The following SLC4A4 variants were observed in gnomAD, a reference collection of about 807,000 sequenced individuals.
The protein encoded by SLC4A4 is electrogenic sodium bicarbonate cotransporter 1.
In SLC4A4, 27 loss-of-function variants were observed where a neutral mutation model predicts 111.5. That is an observed-to-expected ratio of 0.24 (90% CI 0.18 to 0.33). The LOEUF (loss-of-function observed/expected upper bound fraction) is 0.33, where lower values mean the gene tolerates loss of function less well. SLC4A4 is among the 10% of genes least tolerant of loss of function. The pLI is 1.00. For synonymous variants in SLC4A4, 443 were observed against 463.4 expected, an observed-to-expected ratio of 0.96 and a Z score of 0.57; for missense variants, 909 against 1,315.5, an observed-to-expected ratio of 0.69 and a Z score of 4.78.
chr4:71,194,932 C>T (rs1300252628), intron 1 of SLC4A4, among the ~76,000 whole-genome samples: 1 of 152,148 alleles, frequency 6.6e-6, no homozygotes, highest in East Asian at 1.9e-4. Flanking sequence ...ACCTTATATA[C>T]ATTTGTGTAA....
chr4:71,080,846 A>G (rs1741975987), intron 1 of SLC4A4, among the ~76,000 whole-genome samples: 1 of 152,012 alleles, frequency 6.6e-6, no homozygotes, highest in South Asian at 2.1e-4. Flanking sequence ...TAGCTATTAC[A>G]TAGAGTTCCA....
intron 2 of SLC4A4, among the ~76,000 whole-genome samples, chr4:71,131,702 A>G (rs1306821278): frequency 2.0e-5 from 3 of 152,218 alleles, no homozygotes; most frequent in African/African-American, 7.2e-5. Context: ...ATCAAGAGCC[A>G]TCCCAGATTT....
intron 3 of SLC4A4, among the ~76,000 whole-genome samples, chr4:71,279,107 T>C (rs987568280): frequency 6.6e-6 from 1 of 152,194 alleles, no homozygotes; most frequent in Non-Finnish European, 1.5e-5. Flanking sequence ...ATCTATTCTT[T>C]TAGGAATTTT....
chr4:71,522,941 G>A (rs1733087662), intron 16 of SLC4A4, among the ~76,000 whole-genome samples: 1 of 152,134 alleles, frequency 6.6e-6, no homozygotes, highest in African/African-American at 2.4e-5. Context: ...ACACAGGAAA[G>A]TCTAGAATTG....
intron 3 of SLC4A4, chr4:71,339,134 T>C: frequency 1.9e-6 from 3 of 1,611,316 alleles, no homozygotes; most frequent in South Asian, 1.1e-5. Context: ...ATTGGAGTGC[T>C]GTCCTTCTGG....
chr4:71,231,346 AGACCCAATGGCT>A (rs1719409772), intron 1 of SLC4A4, among the ~76,000 whole-genome samples: 2 of 152,218 alleles, frequency 1.3e-5, no homozygotes, highest in Admixed American at 1.3e-4. Context: ...TGGGTGCTCA[AGACCCAATGGCT>A]GACAGTTTTG....
intron 3 of SLC4A4, among the ~76,000 whole-genome samples, chr4:71,313,921 GATC>G (rs1406298657): frequency 1.3e-5 from 2 of 152,132 alleles, no homozygotes. Context: ...TGATAAATGG[GATC>G]TAATTAAACT....
intron 2 of SLC4A4, among the ~76,000 whole-genome samples, chr4:71,105,095 G>A (rs9684892): frequency 0.034 from 3,839 of 111,896 alleles, 169 homozygotes; most frequent in African/African-American, 0.12. Flanking sequence ...AAATCAATGT[G>A]CAAAAATCAC....
At chr4:71,356,105 C>T (rs1457024269) in intron 5 of SLC4A4, among the ~76,000 whole-genome samples, 8 of 152,162 alleles carry the variant, frequency 5.3e-5, no homozygotes, top group African/African-American at 1.9e-4. Context: ...GTTGGCCTGT[C>T]ATGTAGATGT....
intron 1 of SLC4A4, among the ~76,000 whole-genome samples, chr4:71,215,170 T>G (rs1718349351): frequency 6.6e-6 from 1 of 152,226 alleles, no homozygotes; most frequent in Non-Finnish European, 1.5e-5. Flanking sequence ...ATTTAGTCCA[T>G]CCTTCTGTCC....
chr4:71,539,915 C>A (rs558127157), intron 18 of SLC4A4, among the ~76,000 whole-genome samples: 1 of 152,240 alleles, frequency 6.6e-6, no homozygotes, highest in East Asian at 1.9e-4. Context: ...GTGATAACTG[C>A]AAAACATATA....
intron 3 of SLC4A4, among the ~76,000 whole-genome samples, chr4:71,316,783 T>C (rs1002095859): frequency 2.6e-5 from 4 of 152,148 alleles, no homozygotes; most frequent in Admixed American, 2.6e-4. Context: ...CAGCTCCTTC[T>C]TATAAGTGAG....
chr4:71,505,254 A>T (rs555172243), intron 16 of SLC4A4, among the ~76,000 whole-genome samples: 13 of 152,096 alleles, frequency 8.5e-5, no homozygotes, highest in African/African-American at 2.9e-4. Flanking sequence ...CCTGTAATGG[A>T]TATATAAAAC....
intron 2 of SLC4A4, among the ~76,000 whole-genome samples, chr4:71,100,610 G>C (rs1742699650): frequency 6.6e-6 from 1 of 152,090 alleles, no homozygotes; most frequent in African/African-American, 2.4e-5. Flanking sequence ...AGTCAGACAA[G>C]AGAAAGAAAG....
chr4:71,458,917 A>G (rs1390216163), intron 12 of SLC4A4, among the ~76,000 whole-genome samples: 1 of 152,090 alleles, frequency 6.6e-6, no homozygotes, highest in Non-Finnish European at 1.5e-5. Flanking sequence ...AATCTACACT[A>G]TCAACATATT....
intron 1 of SLC4A4, among the ~76,000 whole-genome samples, chr4:71,201,312 CACA>C (rs924850905): frequency 9.2e-5 from 14 of 152,152 alleles, no homozygotes; most frequent in African/African-American, 2.9e-4. Flanking sequence ...CTCTTTATCC[CACA>C]ACAACTGGTC....
intron 20 of SLC4A4, among the ~76,000 whole-genome samples, chr4:71,553,736 C>T (rs1193537258): frequency 2.0e-5 from 3 of 151,814 alleles, no homozygotes; most frequent in Non-Finnish European, 4.4e-5. Flanking sequence ...GGAATAGAAA[C>T]ATGCACATTG....
At chr4:71,311,783 G>A (rs1267399570) in intron 3 of SLC4A4, among the ~76,000 whole-genome samples, 1 of 151,968 alleles carries the variant, frequency 6.6e-6, no homozygotes, top group East Asian at 1.9e-4. Flanking sequence ...AACTAGAGAA[G>A]CGAGAGCAAA....
At chr4:71,163,690 G>T (rs763836900) in intron 2 of SLC4A4, among the ~76,000 whole-genome samples, 4 of 152,178 alleles carry the variant, frequency 2.6e-5, no homozygotes, top group Non-Finnish European at 5.9e-5. Flanking sequence ...TAAACCAGGG[G>T]TTGGCAAAGT....
Sources: allele counts gnomAD v4.1 joint callset (sites outside exome capture counted in the v4.1 genomes callset), GRCh38; gene constraint gnomAD v4.1.1; transcripts MANE v1.5; gene names NCBI Gene and HGNC (gene_info 2026-07-23, HGNC 2026-07-21).